Variants in TAOK3 observed in about 807,000 individuals in gnomAD.
The protein encoded by TAOK3 is serine/threonine-protein kinase TAO3.
TAOK3 carries 40 observed loss-of-function variants against 120.4 expected under a neutral mutation model. The ratio of observed to expected loss-of-function variants is 0.33; its 90% CI spans 0.26 to 0.43. The LOEUF is 0.43. Among genes scored for constraint, TAOK3 ranks in the 20% least tolerant of loss-of-function variants. The probability of loss-of-function intolerance (pLI) is 1.00; values close to 1 mark genes in which losing one functional copy is unlikely to be tolerated. For synonymous variants in TAOK3, 355 were observed against 387.5 expected (o/e 0.92, Z 0.99); for missense variants, 821 against 1,112.1 (o/e 0.74, Z 3.72).
chr12:118,288,273 G>A (rs1049311081), intron 1 of TAOK3, among the ~76,000 whole-genome samples: 1 of 151,914 alleles, frequency 6.6e-6, no homozygotes, highest in African/African-American at 2.4e-5. Context: ...GGACTGAATT[G>A]TATCTCCCTC....
At position 118,150,989 on chromosome 12, in the gene TAOK3, A is replaced by G. The variant is rs1412855045; in HGVS notation, c.*8T>C. ...TTTTTTTTTTTGTAAATGGCAAAAAATTTAATCTCATCTGTAGTCCTCCTT... is the reference window on the plus strand; with the variant it reads ...TTTTTTTTTTTGTAAATGGCAAAAAGTTTAATCTCATCTGTAGTCCTCCTT... On this transcript the variant is annotated 3_prime_UTR_variant, in exon 21 of 21. Coordinates refer to ENST00000392533, the MANE Select transcript of TAOK3 (RefSeq NM_016281.4). 6.5e-7 allele frequency: 1 copy of G among 1,534,964 alleles called. No individual in the cohort carries two copies. Among genetic ancestry groups the G allele is most frequent in the Non-Finnish European group, 8.7e-7 (1 of 1,147,882 alleles).
rs145494584 is a variant in TAOK3 at position 118,185,562 on chromosome 12, T to C, written c.1330-3955A>G. 3.0e-3 allele frequency among the ~76,000 whole-genome samples: 454 copies of C among 152,302 alleles called. 8 individuals carry two copies. Among genetic ancestry groups the C allele is most frequent in the Middle Eastern group, 0.01 (3 of 294 alleles). ...ATTTATAGCAAGTTCTTAAAAAGAA[T>C]ACAGTGAGTCACATTTTGGCATTAG... On this transcript the variant is annotated intron_variant, in intron 14 of 20. Transcript: ENST00000392533.
At chr12:118,326,582 A>G (rs1413203032) in intron 1 of TAOK3, among the ~76,000 whole-genome samples, 1 of 152,216 alleles carries the variant, frequency 6.6e-6, no homozygotes, top group Admixed American at 6.5e-5. Context: ...CAGCATTGTC[A>G]GGCACTTAGG....
chr12:118,231,922 CA>C (rs571893617), intron 9 of TAOK3, among the ~76,000 whole-genome samples: 39 of 115,528 alleles, frequency 3.4e-4, no homozygotes, highest in Admixed American at 5.5e-4. Context: ...GATTGTGTCT[CA>C]AAAAAAAAAA....
intron 1 of TAOK3, among the ~76,000 whole-genome samples, chr12:118,363,097 A>G (rs2045650362): frequency 6.6e-6 from 1 of 151,878 alleles, no homozygotes; most frequent in Admixed American, 6.6e-5. Flanking sequence ...ATCTGATAAA[A>G]ATACCACTTA....
intron 1 of TAOK3, among the ~76,000 whole-genome samples, chr12:118,325,954 A>G (rs962275955): frequency 1.3e-5 from 2 of 152,208 alleles, no homozygotes; most frequent in African/African-American, 4.8e-5. Flanking sequence ...TGCTAGCACA[A>G]CAAGCGTGAG....
intron 1 of TAOK3, among the ~76,000 whole-genome samples, chr12:118,360,720 G>C (rs1452633038): frequency 6.6e-6 from 1 of 152,112 alleles, no homozygotes; most frequent in African/African-American, 2.4e-5. Flanking sequence ...GTGGACTTTT[G>C]AGCATTTCAT....
rs142096562 is a variant in TAOK3, at chr12:118,208,101, G to A, written c.819+4813C>T. Among the ~76,000 whole-genome samples, 1,236 of 152,036 alleles carry A rather than the reference G, an allele frequency of 8.1e-3. 15 individuals carry two copies. The highest frequency in any genetic ancestry group is 0.011 in the Non-Finnish European group (735 of 67,986). ...AAGATAAGGAAATTAGTATGCATAC[G>A]TTTTTCCTGCCCTTAGATTTTTCTA... On this transcript the variant is annotated intron_variant, in intron 11 of 20. Coordinates refer to ENST00000392533, the MANE Select transcript of TAOK3 (RefSeq NM_016281.4).
intron 1 of TAOK3, among the ~76,000 whole-genome samples, chr12:118,351,440 A>G (rs2045149205): frequency 6.6e-6 from 1 of 152,182 alleles, no homozygotes; most frequent in Non-Finnish European, 1.5e-5. Flanking sequence ...ACATAAATGG[A>G]CAAAGAGTAT....
At chr12:118,338,090 C>T (rs2044441187) in intron 1 of TAOK3, among the ~76,000 whole-genome samples, 1 of 152,112 alleles carries the variant, frequency 6.6e-6, no homozygotes, top group Non-Finnish European at 1.5e-5. Flanking sequence ...AAAAGAAATC[C>T]ATGTAGCTCA....
intron 16 of TAOK3, among the ~76,000 whole-genome samples, chr12:118,174,279 C>A (rs1265368040): frequency 2.6e-5 from 4 of 151,964 alleles, no homozygotes; most frequent in African/African-American, 7.3e-5. Context: ...AATATATATG[C>A]CACTTTAAAT....
intron 1 of TAOK3, among the ~76,000 whole-genome samples, chr12:118,333,866 AGGCTCACGCCTGT>A (rs2141046284): frequency 6.6e-6 from 1 of 150,928 alleles, no homozygotes; most frequent in East Asian, 1.9e-4. Context: ...CTGGGTGTGG[AGGCTCACGCCTGT>A]AATCCCAGCA....
intron 1 of TAOK3, among the ~76,000 whole-genome samples, chr12:118,288,491 C>A (rs919653333): frequency 6.6e-6 from 1 of 152,166 alleles, no homozygotes; most frequent in African/African-American, 2.4e-5. Flanking sequence ...ACACCAGAAG[C>A]TGAATTGGCT....
At chr12:118,251,333 C>A (rs541377675) in intron 3 of TAOK3, among the ~76,000 whole-genome samples, 3 of 152,168 alleles carry the variant, frequency 2.0e-5, no homozygotes, top group African/African-American at 7.2e-5. Flanking sequence ...TAAGGTACTG[C>A]CCATGTGACC....
intron 1 of TAOK3, among the ~76,000 whole-genome samples, chr12:118,370,561 A>T: frequency 6.6e-6 from 1 of 152,204 alleles, no homozygotes; most frequent in Non-Finnish European, 1.5e-5. Flanking sequence ...CTGCTTCTAT[A>T]AAAAAAGAAA....
intron 9 of TAOK3, among the ~76,000 whole-genome samples, chr12:118,222,238 T>A (rs1309505181): frequency 6.6e-6 from 1 of 151,734 alleles, no homozygotes; most frequent in Non-Finnish European, 1.5e-5. Context: ...AAGGAGTAAA[T>A]AAAGAAAATG....
intron 1 of TAOK3, chr12:118,359,684 T>C (rs1488863715): frequency 6.6e-6 from 1 of 152,210 alleles, no homozygotes; most frequent in Non-Finnish European, 1.5e-5. Flanking sequence ...CACACATTAC[T>C]ATCAGTATTG....
At chr12:118,166,880 C>T (rs1369125519) in intron 17 of TAOK3, among the ~76,000 whole-genome samples, 1 of 144,618 alleles carries the variant, frequency 6.9e-6, no homozygotes, top group Non-Finnish European at 1.5e-5. Context: ...ACGTATAAGC[C>T]CTGGAGGGAG....
chr12:118,190,956 G>A (rs918657944), intron 13 of TAOK3, among the ~76,000 whole-genome samples: 1 of 152,126 alleles, frequency 6.6e-6, no homozygotes, highest in African/African-American at 2.4e-5. Flanking sequence ...AACCATGGGG[G>A]ATTTTAAAAT....
Sources: gnomAD v4.1 joint callset for allele counts (sites outside exome capture counted in the v4.1 genomes callset) on GRCh38, gnomAD v4.1.1 for gene constraint, MANE v1.5 for transcripts, NCBI Gene and HGNC (gene_info 2026-07-23, HGNC 2026-07-21) for gene names.